RNF212: variants seen among roughly 807,000 people sequenced by gnomAD.
The protein encoded by RNF212 is probable E3 SUMO-protein ligase RNF212.
RNF212 carries 33 observed loss-of-function variants against 34.7 expected under a neutral mutation model. The observed-to-expected ratio is 0.95, with a 90% confidence interval of 0.72 to 1.27. The LOEUF is 1.27. Among genes scored for constraint, RNF212 ranks in the 50% most tolerant of loss-of-function variants. RNF212 has a pLI of 0.00. For missense variants in RNF212, 377 were observed against 362.2 expected, an observed-to-expected ratio of 1.04 and a Z score of -0.33; for synonymous variants, 140 against 136.1, an observed-to-expected ratio of 1.03 and a Z score of -0.20.
chr4:1,105,043 C>G (rs760655380), intron 2 of RNF212, among the ~76,000 whole-genome samples: 14 of 152,164 alleles, frequency 9.2e-5, no homozygotes, highest in Non-Finnish European at 7.4e-5. Flanking sequence ...CTGGGGTTCC[C>G]ATCAAGTGAA....
At chr4:1,106,565 G>A (rs1249558134) in intron 2 of RNF212, among the ~76,000 whole-genome samples, 1 of 152,116 alleles carries the variant, frequency 6.6e-6, no homozygotes, top group Non-Finnish European at 1.5e-5. Context: ...AGAGAAAAGC[G>A]GTACTCAAAA....
At chr4:1,069,369 T>C (rs1718295320), downstream of RNF212, among the ~76,000 whole-genome samples, 1 of 152,064 alleles carries the variant, frequency 6.6e-6, no homozygotes, top group Non-Finnish European at 1.5e-5. Flanking sequence ...AGGCAGTCAT[T>C]AGGTGGTTGA....
At chr4:1,073,723 A>G (rs921532174) in intron 8 of RNF212, 61 bp from the exon 9 acceptor site, 3 of 1,087,524 alleles carry the variant, frequency 2.8e-6, no homozygotes, top group African/African-American at 3.1e-5. Context: ...CGAGATTCGG[A>G]CTCCCACTGT....
intron 5 of RNF212, among the ~76,000 whole-genome samples, chr4:1,084,979 C>T (rs569713009): frequency 5.3e-5 from 8 of 152,326 alleles, no homozygotes; most frequent in South Asian, 4.1e-4. Flanking sequence ...ACAGGCCCCA[C>T]GGCCCCAGTG....
chr4:1,112,765 C>T (rs1400363416), intron 1 of RNF212, among the ~76,000 whole-genome samples: 13 of 130,446 alleles, frequency 1.0e-4, no homozygotes, highest in African/African-American at 2.0e-4. Context: ...CCCTCCCCCA[C>T]GCCCTCCTCC....
At chr4:1,098,866 T>C (rs1723473322) in intron 2 of RNF212, among the ~76,000 whole-genome samples, 1 of 152,142 alleles carries the variant, frequency 6.6e-6, no homozygotes, top group African/African-American at 2.4e-5. Context: ...ATCTAAGGTA[T>C]ATTATAAATA....
chr4:1,079,938 G>C (rs963909563), intron 7 of RNF212, among the ~76,000 whole-genome samples: 3 of 152,202 alleles, frequency 2.0e-5, no homozygotes, highest in African/African-American at 7.2e-5. Flanking sequence ...CCCTGGTTGG[G>C]CTCTCCCTGG....
At chr4:1,107,147 G>A (rs1724958051) in intron 2 of RNF212, 1 of 151,906 alleles carries the variant, frequency 6.6e-6, no homozygotes, top group Non-Finnish European at 1.5e-5. Context: ...TGTCTCCTGG[G>A]TTCAAGTGAT....
chr4:1,088,289 A>C (rs1273128793), intron 4 of RNF212, among the ~76,000 whole-genome samples: 1 of 152,220 alleles, frequency 6.6e-6, no homozygotes, highest in African/African-American at 2.4e-5. Flanking sequence ...GTGCTTTAGC[A>C]AAGAGACTGG....
At chr4:1,076,319 G>T (rs1268931467) in intron 8 of RNF212, among the ~76,000 whole-genome samples, 1 of 152,220 alleles carries the variant, frequency 6.6e-6, no homozygotes, top group African/African-American at 2.4e-5. Context: ...CTCTGGGCGG[G>T]CCCAGCTGTG....
At chr4:1,113,677 A>G, upstream of RNF212, 3 of 470,548 alleles carry the variant, frequency 6.4e-6, no homozygotes, top group South Asian at 6.1e-5. Flanking sequence ...CTCGTCTCCC[A>G]GGTCGTTTGG....
rs141837552 is a variant in RNF212, at chr4:1,058,307, CG to C, written n.220+13del. On this transcript the variant is annotated intron_variant and non_coding_transcript_variant, in intron 4 of 4. Coordinates refer to the RNF212 transcript ENST00000503206. ...TAGAACGCAGTGAAGAAGGTGCTTG[CG>C]GGGGGGCACTACCTGAGAGGCTTTC... 1.9e-5 allele frequency: 17 copies of C among 898,238 alleles called. 3 individuals are homozygous for C. In the Middle Eastern group the frequency reaches 1.1e-3, roughly 60 times the overall value. The allele number at this position is 898,238 out of a possible 1,614,324, so 55.6% of individuals were successfully genotyped here.
chr4:1,059,666 G>C (rs1367156556), intron 3 of RNF212, among the ~76,000 whole-genome samples: 2 of 152,220 alleles, frequency 1.3e-5, no homozygotes, highest in Non-Finnish European at 2.9e-5. Context: ...TTTCCTCATA[G>C]CCGTTGCCTC....
At chr4:1,108,620 C>T (rs1725182610) in intron 1 of RNF212, among the ~76,000 whole-genome samples, 1 of 152,216 alleles carries the variant, frequency 6.6e-6, no homozygotes, top group African/African-American at 2.4e-5. Flanking sequence ...TGTACAAAAA[C>T]AGTGACCATA....
chr4:1,093,789 G>A lies in RNF212; in HGVS notation c.247-2951C>T, dbSNP rs527433673. ...TGAATGAGGGTCCTGCTGGGATGGA[G>A]CAGGGTGAGGGGGTGAGGTGCGTCC... On this transcript the variant is annotated intron_variant, in intron 3 of 9. Transcript: ENST00000433731. 1.6e-5 allele frequency: 25 copies of A among 1,536,366 alleles called. No homozygotes were observed. The Admixed American group carries it at 2.7e-4, about 17-fold the overall frequency.
chr4:1,093,620 TG>T, intron 3 of RNF212: 1 of 1,535,982 alleles, frequency 6.5e-7, no homozygotes, highest in Non-Finnish European at 8.7e-7. Flanking sequence ...CCGGGTCTGC[TG>T]GGTCTTCTCT....
chr4:1,059,180 G>A (rs930907287), intron 3 of RNF212, among the ~76,000 whole-genome samples: 2 of 152,228 alleles, frequency 1.3e-5, no homozygotes, highest in African/African-American at 2.4e-5. Flanking sequence ...TGGGGCAGGA[G>A]GCCCCGAGCA....
chr4:1,079,672 C>T lies in RNF212; in HGVS notation c.481G>A (p.Val161Ile), dbSNP rs1323015854. 6.2e-7 allele frequency: 1 copy of T among 1,611,620 alleles called. No individual in the cohort carries two copies. The highest frequency in any genetic ancestry group is 1.1e-5 in the South Asian group (1 of 91,042). Residue 161 changes from valine (V) to isoleucine (I), a missense_variant, in exon 8 of 10, where the codon GTT becomes ATT. Physicochemically the swap from Val to Ile is conservative, Grantham distance 29 (BLOSUM62 3). Coordinates refer to ENST00000433731, the MANE Select transcript of RNF212 (RefSeq NM_001131034.4). The part of the protein sequence containing the change: ...SAPDRLESME[V>I]DLSPSPIRKS... ...CTAATCGGAGAAGGAGAGAGATCAACTTCCATCGACTCCAGTCTGTTAAAC... is the reference window on the plus strand; with the variant it reads ...CTAATCGGAGAAGGAGAGAGATCAATTTCCATCGACTCCAGTCTGTTAAAC...
Position 1,113,494 on chromosome 4 carries a change from G to GGGCCCACGCGAAGCCC in RNF212, c.-46_-31dup. The GGGCCCACGCGAAGCCC allele has an allele frequency of 6.3e-7, 1 of 1,576,962 alleles. No individual in the cohort carries two copies. Among genetic ancestry groups the GGGCCCACGCGAAGCCC allele is most frequent in the Non-Finnish European group, 8.7e-7 (1 of 1,154,592 alleles). On this transcript the variant is annotated 5_prime_UTR_variant, in exon 1 of 10. Coordinates refer to ENST00000433731, the MANE Select transcript of RNF212 (RefSeq NM_001131034.4). Reference sequence around the variant, plus strand: ...GGCGGGCGACCGCAGCGGCGAGGCCGGGCCCACGCGAAGCCCACGCAAGGT... The same window carrying GGGCCCACGCGAAGCCC: ...GGCGGGCGACCGCAGCGGCGAGGCCGGGCCCACGCGAAGCCCGGCCCACGCGAAGCCCACGCAAGGT...
Sources: allele counts gnomAD v4.1 joint callset (sites outside exome capture counted in the v4.1 genomes callset), GRCh38; gene constraint gnomAD v4.1.1; transcripts MANE v1.5; gene names NCBI Gene and HGNC (gene_info 2026-07-23, HGNC 2026-07-21).